Variants in NR6A1 observed in about 807,000 individuals in gnomAD.
NR6A1 encodes nuclear receptor subfamily 6 group A member 1.
NR6A1 carries 7 observed loss-of-function variants against 59.1 expected under a neutral mutation model. That is an observed-to-expected ratio of 0.12 (90% CI 0.07 to 0.22). The LOEUF (loss-of-function observed/expected upper bound fraction) is 0.22. Ranked by LOEUF, NR6A1 falls within the 10% of genes least tolerant of loss-of-function variation. The probability of loss-of-function intolerance (pLI) is 1.00; values close to 1 mark genes in which losing one functional copy is unlikely to be tolerated. For missense variants in NR6A1, 468 were observed against 611.6 expected, an observed-to-expected ratio of 0.77 and a Z score of 2.48; for synonymous variants, 243 against 236.1, an observed-to-expected ratio of 1.03 and a Z score of -0.27.
chr9:124,625,997 T>C (rs1385711610), intron 2 of NR6A1, among the ~76,000 whole-genome samples: 1 of 152,204 alleles, frequency 6.6e-6, no homozygotes, highest in African/African-American at 2.4e-5. Context: ...TCCTGCAGAT[T>C]CTGTGTCTTT....
rs1588799842 is a variant in NR6A1 at position 124,697,781 on chromosome 9, C to T, written c.142+35527G>A. Among the ~76,000 whole-genome samples, 4 of 152,022 alleles carry T rather than the reference C, an allele frequency of 2.6e-5. No homozygotes were observed. In the South Asian group the frequency reaches 6.2e-4, roughly 24 times the overall value. ...GAAAGGTAGTGATGAAGAGCTTGGG[C>T]TAAATGAGGGTAAAAATCTCAGCTG... On this transcript the variant is annotated intron_variant, in intron 2 of 9. Coordinates refer to ENST00000487099, the MANE Select transcript of NR6A1 (RefSeq NM_033334.4).
At chr9:124,530,070 C>G (rs1055241277) in intron 7 of NR6A1, among the ~76,000 whole-genome samples, 1 of 152,188 alleles carries the variant, frequency 6.6e-6, no homozygotes, top group Non-Finnish European at 1.5e-5. Flanking sequence ...ACTCCAGACC[C>G]TGCAGGTGTG....
At chr9:124,693,683 CA>C (rs1334839326) in intron 2 of NR6A1, 5 of 533,014 alleles carry the variant, frequency 9.4e-6, no homozygotes, top group Non-Finnish European at 1.9e-5. Flanking sequence ...CCAGGGAGGG[CA>C]AAGGCAACCC....
At chr9:124,658,487 A>C (rs1049736836) in intron 2 of NR6A1, 1 of 152,152 alleles carries the variant, frequency 6.6e-6, no homozygotes, top group Non-Finnish European at 1.5e-5. Context: ...CCTGGGTTCC[A>C]GTATCTAATT....
intron 2 of NR6A1, among the ~76,000 whole-genome samples, chr9:124,586,414 G>C (rs1246796474): frequency 6.6e-6 from 1 of 151,852 alleles, no homozygotes; most frequent in African/African-American, 2.4e-5. Flanking sequence ...GCATCCTAAA[G>C]ATGTGGCTGA....
At chr9:124,575,949 G>A (rs922219969) in intron 2 of NR6A1, among the ~76,000 whole-genome samples, 5 of 152,172 alleles carry the variant, frequency 3.3e-5, no homozygotes, top group Non-Finnish European at 5.9e-5. Flanking sequence ...ATGAAGGAGC[G>A]CCCAGGAATT....
At chr9:124,646,591 C>T (rs972900345) in intron 2 of NR6A1, among the ~76,000 whole-genome samples, 3 of 152,104 alleles carry the variant, frequency 2.0e-5, no homozygotes, top group African/African-American at 7.2e-5. Context: ...TTCCCTGGGC[C>T]ACATTGGAAG....
At chr9:124,668,058 C>A (rs1372530217) in intron 2 of NR6A1, among the ~76,000 whole-genome samples, 3 of 152,020 alleles carry the variant, frequency 2.0e-5, no homozygotes, top group African/African-American at 7.3e-5. Context: ...TTTTGACTCC[C>A]CCAAAACTTT....
chr9:124,683,780 T>C (rs150907450), intron 2 of NR6A1, among the ~76,000 whole-genome samples: 1 of 151,980 alleles, frequency 6.6e-6, no homozygotes, highest in African/African-American at 2.4e-5. Flanking sequence ...GCAACAAGAG[T>C]GAAACTCCAT....
intron 2 of NR6A1, among the ~76,000 whole-genome samples, chr9:124,654,278 C>A (rs146480501): frequency 6.6e-6 from 1 of 152,104 alleles, no homozygotes; most frequent in Non-Finnish European, 1.5e-5. Context: ...AGGACTTCTT[C>A]GGCCTGCAGA....
At chr9:124,672,163 C>A (rs779568090) in intron 2 of NR6A1, among the ~76,000 whole-genome samples, 1 of 152,146 alleles carries the variant, frequency 6.6e-6, no homozygotes, top group Non-Finnish European at 1.5e-5. Flanking sequence ...GTGCAGTATT[C>A]CGTTATATGT....
At chr9:124,687,476 A>C (rs527236968) in intron 2 of NR6A1, among the ~76,000 whole-genome samples, 2 of 152,204 alleles carry the variant, frequency 1.3e-5, no homozygotes, top group East Asian at 3.9e-4. Flanking sequence ...TAAAGTTGCC[A>C]TGTAAAATTT....
chr9:124,611,396 C>A (rs1020218159), intron 2 of NR6A1, among the ~76,000 whole-genome samples: 20 of 152,120 alleles, frequency 1.3e-4, no homozygotes, highest in South Asian at 6.2e-4. Context: ...AGAGATCCCC[C>A]AGAGTAGCCA....
At chr9:124,554,263 CA>C in intron 3 of NR6A1, 64 bp downstream of exon 3, 1 of 1,608,530 alleles carries the variant, frequency 6.2e-7, no homozygotes, top group Admixed American at 1.7e-5. Context: ...AGTAACTAAA[CA>C]GCTGACACTA....
chr9:124,595,605 A>G (rs975077486), intron 2 of NR6A1: 1 of 404,148 alleles, frequency 2.5e-6, no homozygotes, highest in South Asian at 1.9e-5. Context: ...TGCTACATAC[A>G]TGAAAACTTT....
intron 2 of NR6A1, among the ~76,000 whole-genome samples, chr9:124,688,858 ATAT>A (rs1313021738): frequency 6.6e-6 from 1 of 152,228 alleles, no homozygotes; most frequent in Admixed American, 6.5e-5. Context: ...GGATTTTTAA[ATAT>A]TATCATCTAA....
intron 2 of NR6A1, among the ~76,000 whole-genome samples, chr9:124,566,348 T>C (rs1015133407): frequency 3.3e-5 from 5 of 152,230 alleles, no homozygotes; most frequent in African/African-American, 1.2e-4. Flanking sequence ...GTCATTAAGC[T>C]GTACATTTGT....
intron 1 of NR6A1, among the ~76,000 whole-genome samples, chr9:124,754,569 G>C (rs957103577): frequency 5.3e-5 from 8 of 152,062 alleles, no homozygotes; most frequent in Non-Finnish European, 1.2e-4. Context: ...GGGGAGAAAT[G>C]ATGTATAGGA....
chr9:124,611,747 CTT>C (rs1161291224), intron 2 of NR6A1, among the ~76,000 whole-genome samples: 1 of 42,340 alleles, frequency 2.4e-5, no homozygotes, highest in African/African-American at 1.3e-4. Context: ...GAGACCCTGT[CTT>C]AGAGAGAGAG....
Sources: gnomAD v4.1 joint callset for allele counts (sites outside exome capture counted in the v4.1 genomes callset) on GRCh38, gnomAD v4.1.1 for gene constraint, MANE v1.5 for transcripts, NCBI Gene and HGNC (gene_info 2026-07-23, HGNC 2026-07-21) for gene names.